The following TMEM132B variants were observed in gnomAD, a reference collection of about 807,000 sequenced individuals.
TMEM132B encodes the protein transmembrane protein 132B.
In TMEM132B, 18 loss-of-function variants were observed where a neutral mutation model predicts 90.8. The observed-to-expected ratio is 0.20, with a 90% confidence interval of 0.14 to 0.29. The LOEUF (loss-of-function observed/expected upper bound fraction) is 0.29. Ranked by LOEUF, TMEM132B falls within the 10% of genes least tolerant of loss-of-function variation. The pLI, the probability that TMEM132B is intolerant of heterozygous loss-of-function variation, is 1.00. For missense variants in TMEM132B, 1,096 were observed against 1,326.8 expected, an observed-to-expected ratio of 0.83 and a Z score of 2.70; for synonymous variants, 504 against 523.3, an observed-to-expected ratio of 0.96 and a Z score of 0.50.
chr12:125,552,847 G>C (rs992049694), intron 4 of TMEM132B, among the ~76,000 whole-genome samples: 7 of 152,226 alleles, frequency 4.6e-5, no homozygotes, highest in African/African-American at 1.7e-4. Flanking sequence ...GGGAATAACA[G>C]ACACGTCCCT....
At chr12:125,518,453 C>A (rs1883223475) in intron 3 of TMEM132B, among the ~76,000 whole-genome samples, 1 of 152,180 alleles carries the variant, frequency 6.6e-6, no homozygotes. Flanking sequence ...GTGTGTGTGG[C>A]TCAGGCCTTG....
intron 3 of TMEM132B, among the ~76,000 whole-genome samples, chr12:125,513,862 C>T (rs1883042648): frequency 6.6e-6 from 1 of 151,796 alleles, no homozygotes; most frequent in South Asian, 2.1e-4. Context: ...TTCATTCTTC[C>T]ACTTCGTGTT....
chr12:125,584,121 C>T (rs777768499), intron 5 of TMEM132B, 127 bp downstream of exon 5: 3 of 1,406,640 alleles, frequency 2.1e-6, no homozygotes, highest in East Asian at 2.3e-5. Flanking sequence ...AGAATGACCT[C>T]ACGAAGGAGG....
intron 1 of TMEM132B, among the ~76,000 whole-genome samples, chr12:125,318,570 A>G (rs1213694728): frequency 6.7e-6 from 1 of 149,698 alleles, no homozygotes; most frequent in African/African-American, 2.5e-5. Flanking sequence ...CACCATGTCC[A>G]TGTGTTCTCA....
At position 125,637,423 on chromosome 12, in the gene TMEM132B, G is replaced by A. The variant is rs76920197; in HGVS notation, c.1438-6653G>A. Among the ~76,000 whole-genome samples the A allele has an allele frequency of 9.8e-3, 1,498 of 152,276 alleles. 29 individuals are homozygous for A. The highest frequency in any genetic ancestry group is 0.033 in the African/African-American group (1,385 of 41,548). On this transcript the variant is annotated intron_variant, in intron 5 of 8. Coordinates refer to ENST00000682704, the MANE Select transcript of TMEM132B (RefSeq NM_001366854.1). ...TTGCCAAGGTTAAGGACATGCGCCCGTGTCACAGGCTCAGGAGGTCCTGAA... is the reference window on the plus strand; with the variant it reads ...TTGCCAAGGTTAAGGACATGCGCCCATGTCACAGGCTCAGGAGGTCCTGAA...
intron 4 of TMEM132B, among the ~76,000 whole-genome samples, chr12:125,559,670 C>T (rs1162570250): frequency 6.6e-6 from 1 of 152,098 alleles, no homozygotes. Flanking sequence ...GGCATGGTGG[C>T]TCTGGAAGCT....
intron 2 of TMEM132B, among the ~76,000 whole-genome samples, chr12:125,360,580 G>A (rs1398817586): frequency 6.6e-6 from 1 of 152,160 alleles, no homozygotes; most frequent in African/African-American, 2.4e-5. Flanking sequence ...AAGGCTTTGA[G>A]GAAACAGACA....
At chr12:125,528,396 A>G (rs1426988931) in intron 4 of TMEM132B, among the ~76,000 whole-genome samples, 1 of 152,254 alleles carries the variant, frequency 6.6e-6, no homozygotes, top group African/African-American at 2.4e-5. Context: ...TTTCTAGGCA[A>G]CTGGGCACAT....
At chr12:125,508,443 A>G (rs954645951) in intron 3 of TMEM132B, among the ~76,000 whole-genome samples, 1 of 152,208 alleles carries the variant, frequency 6.6e-6, no homozygotes, top group African/African-American at 2.4e-5. Context: ...CTGGGAAAAA[A>G]TTGGCACTGA....
At chr12:125,197,957 T>C (rs1872962636) in intron 1 of TMEM132B, among the ~76,000 whole-genome samples, 1 of 152,220 alleles carries the variant, frequency 6.6e-6, no homozygotes, top group Non-Finnish European at 1.5e-5. Flanking sequence ...GTGTGTGAGA[T>C]ATTTTTTACT....
intron 1 of TMEM132B, among the ~76,000 whole-genome samples, chr12:125,288,399 G>T (rs1256987913): frequency 6.9e-6 from 1 of 144,836 alleles, no homozygotes; most frequent in Admixed American, 7.2e-5. Context: ...CGAGGCAGAG[G>T]TTGCAGTGAG....
intron 1 of TMEM132B, among the ~76,000 whole-genome samples, chr12:125,265,303 A>G (rs1874661123): frequency 6.6e-6 from 1 of 151,694 alleles, no homozygotes; most frequent in African/African-American, 2.4e-5. Context: ...TAAATCTTAT[A>G]TAGGCTGTTT....
At chr12:125,218,778 T>TTAA (rs1555232384) in intron 1 of TMEM132B, among the ~76,000 whole-genome samples, 3 of 150,146 alleles carry the variant, frequency 2.0e-5, no homozygotes, top group African/African-American at 7.3e-5. Flanking sequence ...TGTTTTTTTT[T>TTAA]TTTTTTTTTT....
At chr12:125,595,898 A>G (rs1341540403) in intron 5 of TMEM132B, among the ~76,000 whole-genome samples, 1 of 148,756 alleles carries the variant, frequency 6.7e-6, no homozygotes, top group Non-Finnish European at 1.5e-5. Flanking sequence ...CTACTCTTGG[A>G]CTATCCACAA....
At chr12:125,297,563 G>C (rs997104417) in intron 1 of TMEM132B, among the ~76,000 whole-genome samples, 1 of 152,230 alleles carries the variant, frequency 6.6e-6, no homozygotes. Context: ...CGATGTGTCA[G>C]GCATTACGCT....
chr12:125,315,880 A>G (rs1391554376), intron 1 of TMEM132B, among the ~76,000 whole-genome samples: 1 of 152,140 alleles, frequency 6.6e-6, no homozygotes, highest in Non-Finnish European at 1.5e-5. Flanking sequence ...GAGACTGAGG[A>G]TGCTCTGGAG....
Position 125,349,452 on chromosome 12 carries a change from T to G in TMEM132B, c.68T>G (p.Val23Gly), listed in dbSNP as rs954860865. Residue 23 changes from valine (V) to glycine (G), a missense_variant and splice_region_variant, in exon 2 of 9, where the codon GTG becomes GGG. Val to Gly is a moderately radical substitution (Grantham distance 109). Transcript: ENST00000682704. The surrounding 1 kb of genome is among the most constrained non-coding windows in gnomAD (Gnocchi z 4.1). ...LLALTALQCP[V>G]TESRGIVDSL... Reference sequence around the variant, plus strand: ...TCTTTTGCTTTCCTTTCTTGTGCAGTGACAGAGAGTCGAGGGATTGTGGAT... The same window carrying G: ...TCTTTTGCTTTCCTTTCTTGTGCAGGGACAGAGAGTCGAGGGATTGTGGAT... 6.2e-7 allele frequency: 1 copy of G among 1,603,434 alleles called. No homozygotes were observed. Among genetic ancestry groups the G allele is most frequent in the Non-Finnish European group, 8.5e-7 (1 of 1,174,482 alleles).
At chr12:125,220,847 A>G (rs1348606171) in intron 1 of TMEM132B, among the ~76,000 whole-genome samples, 1 of 152,162 alleles carries the variant, frequency 6.6e-6, no homozygotes, top group African/African-American at 2.4e-5. Context: ...TCAGAGTAAA[A>G]ACCCACAGTC....
At chr12:125,522,391 G>A (rs1258325144) in intron 4 of TMEM132B, among the ~76,000 whole-genome samples, 1 of 152,202 alleles carries the variant, frequency 6.6e-6, no homozygotes, top group Non-Finnish European at 1.5e-5. Flanking sequence ...TTAGTTAGAA[G>A]TGAAGAGAAC....
Sources: allele counts gnomAD v4.1 joint callset (sites outside exome capture counted in the v4.1 genomes callset), GRCh38; gene constraint gnomAD v4.1.1; non-coding constraint Gnocchi (gnomAD v3.1); transcripts MANE v1.5; gene names NCBI Gene and HGNC (gene_info 2026-07-23, HGNC 2026-07-21).